The following KIRREL3 variants were observed in gnomAD, a reference collection of about 807,000 sequenced individuals.
KIRREL3 encodes the protein kirre like nephrin family adhesion molecule 3, also known as kin of IRRE-like protein 3.
A neutral mutation model predicts 89.7 loss-of-function variants in KIRREL3; 36 were observed. That is an observed-to-expected ratio of 0.40 (90% CI 0.31 to 0.53). The LOEUF is 0.53. Among genes scored for constraint, KIRREL3 ranks in the 20% least tolerant of loss-of-function variants. The pLI, the probability that KIRREL3 is intolerant of heterozygous loss-of-function variation, is 0.49. For missense variants in KIRREL3, 864 were observed against 1,056.6 expected (o/e 0.82, Z 2.53); for synonymous variants, 445 against 441.4 (o/e 1.01, Z -0.10).
intron 1 of KIRREL3, among the ~76,000 whole-genome samples, chr11:126,595,732 C>G (rs1591794514): frequency 6.6e-6 from 1 of 152,172 alleles, no homozygotes; most frequent in East Asian, 1.9e-4. Context: ...GCAGCCAGGC[C>G]ACACCGCCCC....
chr11:126,615,070 A>G lies in KIRREL3; in HGVS notation c.56-52158T>C, dbSNP rs190236751. 6.6e-6 allele frequency among the ~76,000 whole-genome samples: 1 copy of G among 152,008 alleles called. No individual in the cohort carries two copies. The highest frequency in any genetic ancestry group is 2.4e-5 in the African/African-American group (1 of 41,366). On this transcript the variant is annotated intron_variant, in intron 1 of 16. Transcript: ENST00000525144. The surrounding 1 kb of genome is among the most constrained non-coding windows in gnomAD (Gnocchi z 5.4). ...GGAAGAGGGATTGGAGTGATTTGAG[A>G]TGCTCTGGGGGGCTGAACTCAGGTC...
chr11:126,729,376 C>A lies in KIRREL3; in HGVS notation c.56-166464G>T, dbSNP rs1948519820. Among the ~76,000 whole-genome samples the A allele has an allele frequency of 2.0e-5, 3 of 152,286 alleles. No individual in the cohort carries two copies. Among genetic ancestry groups the A allele is most frequent in the Middle Eastern group, 3.4e-3 (1 of 294 alleles). On this transcript the variant is annotated intron_variant, in intron 1 of 16. Coordinates refer to ENST00000525144, the MANE Select transcript of KIRREL3 (RefSeq NM_032531.4). The surrounding 1 kb of genome is among the most constrained non-coding windows in gnomAD (Gnocchi z 4.5). Reference sequence around the variant, plus strand: ...ACAGGAAGTGGAGCCTGGTGAGGAACAAAAGGTGTCACAAGGCTCATTTTA... The same window carrying A: ...ACAGGAAGTGGAGCCTGGTGAGGAAAAAAAGGTGTCACAAGGCTCATTTTA...
chr11:126,853,155 CAAA>C (rs980873251), intron 1 of KIRREL3, among the ~76,000 whole-genome samples: 10 of 152,158 alleles, frequency 6.6e-5, no homozygotes, highest in African/African-American at 2.4e-4. Context: ...ACTGCTGAAC[CAAA>C]AAGGCTGTTT....
At chr11:126,681,789 A>T (rs901472982) in intron 1 of KIRREL3, 4 of 421,836 alleles carry the variant, frequency 9.5e-6, no homozygotes, top group Non-Finnish European at 1.9e-5. Context: ...TCAGGGTTCT[A>T]TGAGGCTGAA....
In KIRREL3 at chr11:126,995,013, C is replaced by T. The variant is rs772442649; in HGVS notation, c.55+5442G>A. On this transcript the variant is annotated intron_variant, in intron 1 of 16. Coordinates refer to ENST00000525144, the MANE Select transcript of KIRREL3 (RefSeq NM_032531.4). The surrounding 1 kb of genome is among the most constrained non-coding windows in gnomAD (Gnocchi z 6.5). The stretch of plus-strand genomic sequence containing the variant: ...TGACGTATGGAACAGTACTGTGTCT[C>T]GGTGCAGTCGATTCTCACATCATTC... 3.2e-4 allele frequency: 115 copies of T among 364,070 alleles called. No individual in the cohort carries two copies. Among genetic ancestry groups the T allele is most frequent in the Non-Finnish European group, 4.4e-4 (82 of 184,700 alleles). 22.6% of individuals were successfully genotyped at this position (364,070 alleles called of 1,614,324 possible).
At chr11:126,927,367 C>T (rs578183833) in intron 1 of KIRREL3, among the ~76,000 whole-genome samples, 22 of 152,314 alleles carry the variant, frequency 1.4e-4, no homozygotes, top group African/African-American at 5.1e-4. Flanking sequence ...CACACTCATA[C>T]TTATGTGTCT....
intron 1 of KIRREL3, among the ~76,000 whole-genome samples, chr11:126,839,780 C>T (rs1264900331): frequency 6.6e-6 from 1 of 152,164 alleles, no homozygotes; most frequent in East Asian, 1.9e-4. Flanking sequence ...ATGTATTACG[C>T]TACTTATACG....
At chr11:126,855,699 TTCCAG>T (rs1303483159) in intron 1 of KIRREL3, among the ~76,000 whole-genome samples, 3 of 152,344 alleles carry the variant, frequency 2.0e-5, no homozygotes, top group Admixed American at 1.3e-4. Context: ...TCACCAGCCT[TTCCAG>T]TCCTGAGAGC....
At chr11:126,779,447 T>C (rs569269700) in intron 1 of KIRREL3, among the ~76,000 whole-genome samples, 3 of 152,278 alleles carry the variant, frequency 2.0e-5, no homozygotes, top group Admixed American at 2.0e-4. Context: ...CAATTCCATA[T>C]GTTGACAGCC....
intron 5 of KIRREL3, among the ~76,000 whole-genome samples, chr11:126,464,196 C>T (rs1956642167): frequency 6.6e-6 from 1 of 151,938 alleles, no homozygotes; most frequent in Admixed American, 6.6e-5. Flanking sequence ...AACCCAATGA[C>T]TGGTGTCCTT....
Position 126,694,568 on chromosome 11 carries a change from G to C in KIRREL3, c.56-131656C>G, listed in dbSNP as rs1295242439. 2.0e-5 allele frequency among the ~76,000 whole-genome samples: 3 copies of C among 152,152 alleles called. No homozygotes were observed. Among genetic ancestry groups the C allele is most frequent in the African/African-American group, 7.2e-5 (3 of 41,424 alleles). The stretch of plus-strand genomic sequence containing the variant: ...AGGGCAGGTTTGGGGGTGCTGACTA[G>C]GCCTTCACACAAAGAGGAATCTGCT... On this transcript the variant is annotated intron_variant, in intron 1 of 16. Coordinates refer to ENST00000525144, the MANE Select transcript of KIRREL3 (RefSeq NM_032531.4). This position sits in a 1 kb window ranked among gnomAD's most constrained non-coding sequence, Gnocchi z 4.4.
At position 126,852,778 on chromosome 11, in the gene KIRREL3, C is replaced by A. The variant is rs374438702; in HGVS notation, c.55+147677G>T. 5.3e-4 allele frequency among the ~76,000 whole-genome samples: 80 copies of A among 152,290 alleles called. 1 individual carries two copies. Among genetic ancestry groups the A allele is most frequent in the African/African-American group, 1.8e-3 (76 of 41,566 alleles). Reference sequence around the variant, plus strand: ...GTCAAGGCACTGTACTAAAGGTCCCCCGGCAAGGCAATGGCAGGCTCTTAA... The same window carrying A: ...GTCAAGGCACTGTACTAAAGGTCCCACGGCAAGGCAATGGCAGGCTCTTAA... On this transcript the variant is annotated intron_variant, in intron 1 of 16. Coordinates refer to ENST00000525144, the MANE Select transcript of KIRREL3 (RefSeq NM_032531.4).
intron 2 of KIRREL3, among the ~76,000 whole-genome samples, chr11:126,554,356 T>C (rs1385481763): frequency 2.6e-5 from 4 of 152,124 alleles, no homozygotes; most frequent in Non-Finnish European, 5.9e-5. Context: ...CAGAGGTGTT[T>C]GCCATAAGCC....
chr11:126,545,878 T>C (rs533961400), intron 2 of KIRREL3, among the ~76,000 whole-genome samples: 28 of 152,332 alleles, frequency 1.8e-4, no homozygotes, highest in African/African-American at 6.7e-4. Flanking sequence ...CAGAAGTACC[T>C]GAGGCAAGGG....
intron 1 of KIRREL3, among the ~76,000 whole-genome samples, chr11:126,584,101 T>G (rs1941700684): frequency 6.6e-6 from 1 of 152,184 alleles, no homozygotes; most frequent in Admixed American, 6.5e-5. Flanking sequence ...AATGAGATGA[T>G]GTATCCGTCA....
chr11:126,815,452 G>A (rs1387938139), intron 1 of KIRREL3, among the ~76,000 whole-genome samples: 1 of 152,216 alleles, frequency 6.6e-6, no homozygotes, highest in East Asian at 1.9e-4. Context: ...GTGAGGTTGT[G>A]GAGGGGATGA....
chr11:126,451,097 C>CATG (rs1956099312), intron 7 of KIRREL3, among the ~76,000 whole-genome samples: 1 of 104,234 alleles, frequency 9.6e-6, no homozygotes, highest in African/African-American at 3.9e-5. Flanking sequence ...GCATATGTGT[C>CATG]CATGTGCATG....
At position 126,676,282 on chromosome 11, in the gene KIRREL3, C is replaced by T. The variant is rs1405356275; in HGVS notation, c.56-113370G>A. Among the ~76,000 whole-genome samples, 1 of 152,140 alleles carries T rather than the reference C, an allele frequency of 6.6e-6. No homozygotes were observed. Among genetic ancestry groups the T allele is most frequent in the Non-Finnish European group, 1.5e-5 (1 of 68,018 alleles). Reference sequence around the variant, plus strand: ...ACAGAACCATCAGGAGGGAAACACTCAGGGCCAGGCCGAGGCAGAGAAGCT... The same window carrying T: ...ACAGAACCATCAGGAGGGAAACACTTAGGGCCAGGCCGAGGCAGAGAAGCT... On this transcript the variant is annotated intron_variant, in intron 1 of 16. Coordinates refer to ENST00000525144, the MANE Select transcript of KIRREL3 (RefSeq NM_032531.4). This position sits in a 1 kb window ranked among gnomAD's most constrained non-coding sequence, Gnocchi z 4.5.
rs1955086442 is a variant in KIRREL3 at position 126,430,362 on chromosome 11, T to C, written c.1696+1057A>G. Among the ~76,000 whole-genome samples the C allele has an allele frequency of 6.6e-6, 1 of 152,018 alleles. No homozygotes were observed. The highest frequency in any genetic ancestry group is 2.4e-5 in the African/African-American group (1 of 41,372). On this transcript the variant is annotated intron_variant, in intron 14 of 16. Transcript: ENST00000525144. This position sits in a 1 kb window ranked among gnomAD's most constrained non-coding sequence, Gnocchi z 6.6. ...CAGGAGGCTTAGGCACGAGAATCGCTTGAACCTGGGAGGCGGAGGTTGCAG... is the reference window on the plus strand; with the variant it reads ...CAGGAGGCTTAGGCACGAGAATCGCCTGAACCTGGGAGGCGGAGGTTGCAG...
Sources: allele counts gnomAD v4.1 joint callset (sites outside exome capture counted in the v4.1 genomes callset), GRCh38; gene constraint gnomAD v4.1.1; non-coding constraint Gnocchi (gnomAD v3.1); transcripts MANE v1.5; gene names NCBI Gene and HGNC (gene_info 2026-07-23, HGNC 2026-07-21).